Variants in KALRN observed in about 807,000 individuals in gnomAD.
The protein encoded by KALRN is kalirin RhoGEF kinase.
In KALRN, 70 loss-of-function variants were observed where a neutral mutation model predicts 353.7. The ratio of observed to expected loss-of-function variants is 0.20; its 90% CI spans 0.16 to 0.24. The LOEUF is 0.24. KALRN is among the 10% of genes least tolerant of loss of function. KALRN has a pLI of 1.00. For missense variants in KALRN, 2,791 were observed against 3,756.7 expected, an observed-to-expected ratio of 0.74 and a Z score of 6.72; for synonymous variants, 1,391 against 1,434.8, an observed-to-expected ratio of 0.97 and a Z score of 0.69.
intron 59 of KALRN, among the ~76,000 whole-genome samples, 199 bp downstream of exon 59, chr3:124,717,584 A>T (rs2063203865): frequency 6.6e-6 from 1 of 151,790 alleles, no homozygotes; most frequent in Admixed American, 6.6e-5. Flanking sequence ...TAGTCCCAGC[A>T]ACTTGGAAGG....
At chr3:124,051,204 G>A (rs1012339199) in intron 1 of KALRN, among the ~76,000 whole-genome samples, 8 of 152,330 alleles carry the variant, frequency 5.3e-5, no homozygotes, top group South Asian at 4.1e-4. Context: ...GGCATATGAC[G>A]CAGTCTCTGT....
At chr3:124,076,001 T>A (rs1486945938) in intron 1 of KALRN, among the ~76,000 whole-genome samples, 1 of 152,194 alleles carries the variant, frequency 6.6e-6, no homozygotes, top group East Asian at 1.9e-4. Context: ...GTGGCCTATG[T>A]GCAGGCTTCC....
intron 13 of KALRN, among the ~76,000 whole-genome samples, chr3:124,399,401 G>C (rs1031548731): frequency 9.8e-5 from 15 of 152,288 alleles, no homozygotes; most frequent in African/African-American, 3.6e-4. Context: ...GCCTTCCAAA[G>C]TGCTGGGATT....
intron 33 of KALRN, among the ~76,000 whole-genome samples, chr3:124,502,333 T>C (rs1441154958): frequency 6.6e-6 from 1 of 151,960 alleles, no homozygotes; most frequent in East Asian, 1.9e-4. Context: ...AGCTCTGCAG[T>C]AGGAATTGCA....
intron 1 of KALRN, among the ~76,000 whole-genome samples, chr3:124,217,041 C>T (rs1176598247): frequency 6.6e-6 from 1 of 152,164 alleles, no homozygotes; most frequent in African/African-American, 2.4e-5. Flanking sequence ...ATTTTAGAGA[C>T]TTCCTTAGAG....
At position 124,181,893 on chromosome 3, in the gene KALRN, G is replaced by A. The variant is rs1210473351; in HGVS notation, c.74-46097G>A. Among the ~76,000 whole-genome samples, 10 of 152,104 alleles carry A rather than the reference G, an allele frequency of 6.6e-5. 1 individual carries two copies. Among genetic ancestry groups the A allele is most frequent in the Admixed American group, 5.2e-4 (8 of 15,276 alleles). On this transcript the variant is annotated intron_variant, in intron 1 of 59. Transcript: ENST00000682506. ...AGAGTGAGTATTCCCATGTGTTTTA[G>A]GTACAGGGTACAGGGATCTTGTAGC... is the stretch of plus-strand genomic sequence containing the variant.
chr3:124,381,765 A>G (rs1219843940), intron 10 of KALRN, among the ~76,000 whole-genome samples: 1 of 152,236 alleles, frequency 6.6e-6, no homozygotes, highest in African/African-American at 2.4e-5. Context: ...TACCAGCCAC[A>G]GCACTTGGCA....
intron 1 of KALRN, among the ~76,000 whole-genome samples, chr3:124,182,676 C>T (rs2073762687): frequency 6.6e-6 from 1 of 152,180 alleles, no homozygotes; most frequent in South Asian, 2.1e-4. Context: ...AGTCTCCTTG[C>T]CACAGGCAGG....
chr3:124,703,145 T>A (rs1214520568), intron 57 of KALRN, among the ~76,000 whole-genome samples: 1 of 152,190 alleles, frequency 6.6e-6, no homozygotes, highest in Non-Finnish European at 1.5e-5. Flanking sequence ...TTAACTGACG[T>A]GGTTGTGACC....
chr3:124,663,259 T>A (rs528268135), intron 45 of KALRN, among the ~76,000 whole-genome samples: 2 of 152,340 alleles, frequency 1.3e-5, no homozygotes, highest in African/African-American at 2.4e-5. Flanking sequence ...TTCCTTTTTT[T>A]AAATAAGGAC....
At chr3:124,356,998 G>A (rs552553904) in intron 10 of KALRN, among the ~76,000 whole-genome samples, 14 of 152,204 alleles carry the variant, frequency 9.2e-5, no homozygotes, top group African/African-American at 3.1e-4. Flanking sequence ...CCTAAACTCC[G>A]TGTGTCCAAA....
chr3:124,079,621 A>G (rs1262401624), intron 1 of KALRN, among the ~76,000 whole-genome samples: 3 of 152,340 alleles, frequency 2.0e-5, no homozygotes, highest in East Asian at 3.9e-4. Context: ...ATATGGAATC[A>G]TAGAACATAG....
intron 1 of KALRN, chr3:124,152,289 A>T (rs2068218788): frequency 2.4e-6 from 3 of 1,227,710 alleles, no homozygotes; most frequent in African/African-American, 1.5e-5. Context: ...ATGGTTCTAC[A>T]GTCCTCAGCA....
At chr3:124,431,515 A>G (rs973468975) in intron 16 of KALRN, among the ~76,000 whole-genome samples, 5 of 152,136 alleles carry the variant, frequency 3.3e-5, no homozygotes, top group African/African-American at 9.7e-5. Flanking sequence ...ATTGCTTTAG[A>G]GTGGTGTAGG....
intron 34 of KALRN, among the ~76,000 whole-genome samples, chr3:124,574,949 G>A (rs1010402537): frequency 4.6e-5 from 7 of 152,280 alleles, no homozygotes; most frequent in African/African-American, 9.6e-5. Flanking sequence ...TCCTCTCACC[G>A]CCACACTGCC....
chr3:124,043,871 G>T (rs190805201), intron 1 of KALRN, among the ~76,000 whole-genome samples: 1 of 152,172 alleles, frequency 6.6e-6, no homozygotes, highest in Admixed American at 6.5e-5. Context: ...AGTCAGAAAG[G>T]CAAGCGGGGA....
chr3:124,505,007 T>C (rs1018447954), intron 33 of KALRN: 1 of 477,284 alleles, frequency 2.1e-6, no homozygotes, highest in African/African-American at 2.0e-5. Flanking sequence ...GATGGCATGG[T>C]TGGAGGGAGG....
At chr3:124,360,981 T>TA (rs1576282543) in intron 10 of KALRN, among the ~76,000 whole-genome samples, 2 of 152,322 alleles carry the variant, frequency 1.3e-5, no homozygotes. Flanking sequence ...AAGACAAACA[T>TA]ACAAGAATAA....
chr3:124,258,400 G>A (rs1320096137), intron 3 of KALRN, among the ~76,000 whole-genome samples: 1 of 152,152 alleles, frequency 6.6e-6, no homozygotes, highest in African/African-American at 2.4e-5. Context: ...TTGACACTGT[G>A]GTTCCTCCTT....
Sources: gnomAD v4.1 joint callset for allele counts (sites outside exome capture counted in the v4.1 genomes callset) on GRCh38, gnomAD v4.1.1 for gene constraint, MANE v1.5 for transcripts, NCBI Gene and HGNC (gene_info 2026-07-23, HGNC 2026-07-21) for gene names.